Variants in KNL1 observed in about 807,000 individuals in gnomAD.
KNL1 encodes outer kinetochore KNL1 complex subunit KNL1.
Under a neutral mutation model 201.3 loss-of-function variants are expected in KNL1, and 66 were observed. The ratio of observed to expected loss-of-function variants is 0.33; its 90% CI spans 0.27 to 0.40. KNL1 has a LOEUF of 0.40. Among genes scored for constraint, KNL1 ranks in the 10% least tolerant of loss-of-function variants. KNL1 has a pLI of 1.00. For missense variants in KNL1, 2,815 were observed against 2,690.5 expected (o/e 1.05, Z -1.02); for synonymous variants, 895 against 899.2 (o/e 1.00, Z 0.08).
chr15:40,604,224 TG>T (rs1891902862), intron 2 of KNL1, among the ~76,000 whole-genome samples: 1 of 65,436 alleles, frequency 1.5e-5, no homozygotes, highest in Non-Finnish European at 4.5e-5. Flanking sequence ...ATGAGAAAAT[TG>T]AGAACCAGGA....
At chr15:40,625,661 A>C (rs1347945751) in intron 10 of KNL1, 21 bp downstream of exon 10, 13 of 1,579,828 alleles carry the variant, frequency 8.2e-6, no homozygotes, top group Admixed American at 1.8e-5. Context: ...TCTTGAACCA[A>C]AGAATGTTCT....
intron 4 of KNL1, among the ~76,000 whole-genome samples, chr15:40,608,638 G>A (rs567028742): frequency 1.1e-4 from 16 of 151,622 alleles, no homozygotes; most frequent in East Asian, 3.9e-4. Context: ...CCAGCTACTC[G>A]GGAGGCTGAG....
intron 8 of KNL1, among the ~76,000 whole-genome samples, chr15:40,616,135 T>G (rs1195453835): frequency 2.6e-5 from 4 of 151,068 alleles, no homozygotes; most frequent in African/African-American, 4.9e-5. Context: ...CTTTTTTTTT[T>G]TTTTTGAGAT....
intron 1 of KNL1, among the ~76,000 whole-genome samples, chr15:40,594,736 C>G (rs924142386): frequency 3.9e-5 from 6 of 152,376 alleles, no homozygotes; most frequent in Non-Finnish European, 7.3e-5. Context: ...TTCTTGCACC[C>G]CTGCCGCTCT....
chr15:40,640,615 T>A (rs1200759638), intron 13 of KNL1, among the ~76,000 whole-genome samples: 1 of 151,978 alleles, frequency 6.6e-6, no homozygotes, highest in Admixed American at 6.6e-5. Flanking sequence ...GGGTTCCTGG[T>A]AAGTTGAATT....
chr15:40,662,281 C>T lies in KNL1; in HGVS notation c.*93C>T. 4 of 722,748 alleles carry T rather than the reference C, an allele frequency of 5.5e-6. No individual in the cohort carries two copies. The highest frequency in any genetic ancestry group is 9.8e-6 in the Non-Finnish European group (4 of 406,530). The allele number at this position is 722,748 out of a possible 1,614,324, so 44.8% of individuals were successfully genotyped here. A position where few individuals can be genotyped will look rare whatever the true frequency, so the allele number is the denominator to read the frequency against. On this transcript the variant is annotated 3_prime_UTR_variant, in exon 26 of 26. Coordinates refer to ENST00000399668, the MANE Select transcript of KNL1 (RefSeq NM_144508.5). ...TTCAGCCTTTGTTTTTACGTCATTA[C>T]AAGCTGAGTAAAATTCCTTCTGATG... is the stretch of plus-strand genomic sequence containing the variant.
At chr15:40,626,333 T>C (rs868574906) in intron 10 of KNL1, among the ~76,000 whole-genome samples, 35 of 150,982 alleles carry the variant, frequency 2.3e-4, no homozygotes, top group African/African-American at 7.3e-4. Flanking sequence ...CTTTCTTTTT[T>C]TTTTTTTTTG....
chr15:40,606,092 C>A (rs1891962236), intron 3 of KNL1, among the ~76,000 whole-genome samples: 1 of 152,158 alleles, frequency 6.6e-6, no homozygotes, highest in South Asian at 2.1e-4. Flanking sequence ...TCATCATTGA[C>A]AAGAGAATAT....
In KNL1 at chr15:40,625,059, A is replaced by G. The variant is rs1892696242; in HGVS notation, c.4795A>G (p.Ile1599Val). 3 of 1,613,532 alleles carry G rather than the reference A, an allele frequency of 1.9e-6. No homozygotes were observed. Among genetic ancestry groups the G allele is most frequent in the African/African-American group, 1.3e-5 (1 of 74,904 alleles). Residue 1599 changes from isoleucine to valine, a missense_variant, in exon 10 of 26, where the codon ATA becomes GTA. By Grantham distance (29) the Ile-to-Val change is conservative. This residue lies in a region of KNL1 where 2,464 missense variants were observed against 2,291.7 expected (regional missense o/e 1.08). Transcript: ENST00000399668. ...LGNKAHNDMH[I>V]VQATEIHNIN... ...AAATAAGGCACACAATGATATGCAT[A>G]TAGTGCAAGCTACAGAAATACATAA...
At chr15:40,618,237 A>G (rs561809563) in intron 8 of KNL1, among the ~76,000 whole-genome samples, 202 of 152,050 alleles carry the variant, frequency 1.3e-3, no homozygotes, top group African/African-American at 4.6e-3. Context: ...TTGCCCTAAC[A>G]TGACCTCTTG....
In KNL1 at chr15:40,657,122, A is replaced by G. The variant is rs780535988; in HGVS notation, c.6565A>G (p.Thr2189Ala). 1.2e-6 allele frequency: 2 copies of G among 1,608,218 alleles called. No homozygotes were observed. The highest frequency in any genetic ancestry group is 1.7e-6 in the Non-Finnish European group (2 of 1,176,216). ...TGAAGAAAAGGAATCCTGGAAGAAG[A>G]CATGTACAACCCAGCATCAGTTACC... is the stretch of plus-strand genomic sequence containing the variant. The part of the protein sequence containing the change: ...YVEEKESWKK[T>A]CTTQHQLPKM... The change falls in exon 23 of 26, where the codon ACA (threonine) becomes GCA (alanine). Residue 2189 changes from threonine (T) to alanine (A), a missense_variant. Coordinates refer to ENST00000399668, the MANE Select transcript of KNL1 (RefSeq NM_144508.5).
At position 40,623,874 on chromosome 15, in the gene KNL1, G is replaced by C; in HGVS notation, c.3610G>C (p.Asp1204His). Reference protein sequence around the residue: ...GKNLGVSFPKDNSCVQEIAEK... With the variant: ...GKNLGVSFPKHNSCVQEIAEK... ...AAACTTGGGTGTTTCCTTTCCTAAG[G>C]ATAATAGCTGTGTTCAAGAAATCGC... Residue 1204 changes from aspartate to histidine, a missense_variant, in exon 10 of 26, where the codon GAT (aspartate) becomes CAT (histidine). Asp to His is a moderately conservative substitution (Grantham distance 81). This residue lies in a region of KNL1 where 2,464 missense variants were observed against 2,291.7 expected (regional missense o/e 1.08). Transcript: ENST00000399668. 6.2e-7 allele frequency: 1 copy of C among 1,613,638 alleles called. No homozygotes were observed. The highest frequency in any genetic ancestry group is 8.5e-7 in the Non-Finnish European group (1 of 1,179,910).
Position 40,657,444 on chromosome 15 carries a change from C to G in KNL1, c.6684C>G (p.Asn2228Lys), listed in dbSNP as rs1396832507. 1 of 1,548,550 alleles carries G rather than the reference C, an allele frequency of 6.5e-7. No individual in the cohort carries two copies. Among genetic ancestry groups the G allele is most frequent in the Non-Finnish European group, 8.9e-7 (1 of 1,120,538 alleles). Residue 2228 changes from asparagine to lysine, a missense_variant, in exon 24 of 26, where the codon AAC becomes AAG. Around this residue, in one of 3 missense-constraint regions of KNL1, gnomAD observed 334 missense variants for 362.6 expected, o/e 0.92. Transcript: ENST00000399668. ...TAAAGAGATGGGGACCAAATTATAA[C>G]CTAATGAACATAGATATTAATAATA... ...EYLKRWGPNY[N>K]LMNIDINNNE...
chr15:40,605,495 A>G (rs936461239), intron 3 of KNL1, among the ~76,000 whole-genome samples: 1 of 152,236 alleles, frequency 6.6e-6, no homozygotes, highest in Non-Finnish European at 1.5e-5. Flanking sequence ...TCTGTCGCCC[A>G]GGCTGGAGCG....
At chr15:40,658,674 T>TA (rs1893813529) in intron 24 of KNL1, among the ~76,000 whole-genome samples, 1 of 150,218 alleles carries the variant, frequency 6.7e-6, no homozygotes, top group African/African-American at 2.5e-5. Context: ...CATGAGCCTG[T>TA]AATCCCAACA....
At chr15:40,639,191 A>G (rs1893148112) in intron 13 of KNL1, among the ~76,000 whole-genome samples, 1 of 146,228 alleles carries the variant, frequency 6.8e-6, no homozygotes, top group Admixed American at 6.9e-5. Context: ...GCAGTGGCTC[A>G]TGCTCATAAT....
At position 40,623,403 on chromosome 15, in the gene KNL1, G is replaced by A. The variant is rs1456646458; in HGVS notation, c.3139G>A (p.Asp1047Asn). Residue 1047 changes from aspartate to asparagine, a missense_variant, in exon 10 of 26, where the codon GAT becomes AAT. This residue lies in a region of KNL1 where 2,464 missense variants were observed against 2,291.7 expected (regional missense o/e 1.08). Coordinates refer to ENST00000399668, the MANE Select transcript of KNL1 (RefSeq NM_144508.5). Reference protein sequence around the residue: ...SKSATCKNIKDVQSPGFLNEP... With the variant: ...SKSATCKNIKNVQSPGFLNEP... The stretch of plus-strand genomic sequence containing the variant: ...ATCAGCCACTTGCAAAAACATCAAA[G>A]ATGTACAAAGTCCTGGATTTCTGAA... The A allele has an allele frequency of 1.2e-6, 2 of 1,613,752 alleles. No individual in the cohort carries two copies. Among genetic ancestry groups the A allele is most frequent in the Non-Finnish European group, 1.7e-6 (2 of 1,179,918 alleles).
chr15:40,610,286 C>A lies in KNL1; in HGVS notation c.239C>A (p.Ser80Ter). 6.6e-7 allele frequency: 1 copy of A among 1,512,742 alleles called. No individual in the cohort carries two copies. The highest frequency in any genetic ancestry group is 9.2e-7 in the Non-Finnish European group (1 of 1,089,170). The allele number at this position is 1,512,742 out of a possible 1,614,324, so 93.7% of individuals were successfully genotyped here. ...TESHMKIVRK[S>*]EMEETETGEN... ...TCTCATATGAAAATAGTGAGAAAGT[C>A]AGAAATGGAAGGTAAGTATGTTACT... Residue 80 changes from serine to a stop codon, truncating the protein, a stop_gained, in exon 6 of 26, where the codon TCA (serine) becomes TAA (stop). Coordinates refer to ENST00000399668, the MANE Select transcript of KNL1 (RefSeq NM_144508.5). LOFTEE classifies it high-confidence loss of function.
At chr15:40,643,966 GC>G (rs940940487) in intron 14 of KNL1, among the ~76,000 whole-genome samples, 1 of 152,168 alleles carries the variant, frequency 6.6e-6, no homozygotes, top group African/African-American at 2.4e-5. Flanking sequence ...GAGGTGGCCT[GC>G]CCCTCCACAC....
Sources: allele counts gnomAD v4.1 joint callset (sites outside exome capture counted in the v4.1 genomes callset), GRCh38; gene constraint gnomAD v4.1.1; regional missense constraint gnomAD v4.1.1; transcripts MANE v1.5; gene names NCBI Gene and HGNC (gene_info 2026-07-23, HGNC 2026-07-21).